TDRD9: variants seen among roughly 807,000 people sequenced by gnomAD.
The protein encoded by TDRD9 is ATP-dependent RNA helicase TDRD9.
In TDRD9, 124 loss-of-function variants were observed where a neutral mutation model predicts 172.6. The ratio of observed to expected loss-of-function variants is 0.72; its 90% CI spans 0.62 to 0.83. TDRD9 has a LOEUF of 0.83. TDRD9 is among the 40% of genes least tolerant of loss of function. The pLI, the probability that TDRD9 is intolerant of heterozygous loss-of-function variation, is 0.00. For synonymous variants in TDRD9, 619 were observed against 617.1 expected, an observed-to-expected ratio of 1.00 and a Z score of -0.05; for missense variants, 1,479 against 1,714.1, an observed-to-expected ratio of 0.86 and a Z score of 2.42.
chr14:103,941,378 G>A (rs1213776760), intron 1 of TDRD9: 35 of 1,511,386 alleles, frequency 2.3e-5, no homozygotes, highest in Middle Eastern at 1.7e-4. Context: ...GGAATCATAA[G>A]AGAACATAGT....
intron 28 of TDRD9, among the ~76,000 whole-genome samples, chr14:104,028,343 T>TA (rs140316801): frequency 0.018 from 2,698 of 152,272 alleles, 78 homozygotes; most frequent in African/African-American, 0.062. Context: ...TCAGCATCCT[T>TA]ACCAGCATTT....
chr14:103,940,405 T>A (rs539584704), intron 1 of TDRD9: 1 of 156,720 alleles, frequency 6.4e-6, no homozygotes, highest in African/African-American at 2.4e-5. Context: ...TTCTCATTTC[T>A]GTTATGTTGT....
chr14:103,996,222 A>C (rs544503920), intron 12 of TDRD9, among the ~76,000 whole-genome samples: 1 of 152,172 alleles, frequency 6.6e-6, no homozygotes, highest in Non-Finnish European at 1.5e-5. Flanking sequence ...ATGTGTCTGT[A>C]ATTACTTTGT....
Position 103,987,120 on chromosome 14 carries a change from A to ATG in TDRD9, c.1115+801_1115+802insGT, listed in dbSNP as rs1486088476. 9.3e-4 allele frequency among the ~76,000 whole-genome samples: 122 copies of ATG among 131,248 alleles called. 1 individual carries two copies. Among genetic ancestry groups the ATG allele is most frequent in the Middle Eastern group, 4.0e-3 (1 of 250 alleles). The allele number at this position is 131,248 out of a possible 152,430, so 86.1% of individuals were successfully genotyped here. On this transcript the variant is annotated intron_variant, in intron 8 of 35. Transcript: ENST00000409874. ...AGAGCAAGACTCCATCTCAAAAAAT[A>ATG]TATACACACACACACACACACACAC...
intron 8 of TDRD9, among the ~76,000 whole-genome samples, chr14:103,990,283 G>T (rs1422826438): frequency 6.6e-6 from 1 of 152,262 alleles, no homozygotes; most frequent in East Asian, 1.9e-4. Flanking sequence ...CTCATAGGGA[G>T]AGATGGAGGA....
chr14:103,935,195 A>G (rs945276427), intron 1 of TDRD9, among the ~76,000 whole-genome samples: 8 of 152,150 alleles, frequency 5.3e-5, no homozygotes, highest in African/African-American at 1.2e-4. Flanking sequence ...TTCTTTCTCC[A>G]CATCTTGTTG....
intron 13 of TDRD9, among the ~76,000 whole-genome samples, chr14:103,999,643 A>ACATTTAATCTGTTAATCTTCCT (rs1566771643): frequency 7.7e-6 from 1 of 130,468 alleles, no homozygotes; most frequent in Non-Finnish European, 1.7e-5. Flanking sequence ...TGTTTTTTAG[A>ACATTTAATCTGTTAATCTTCCT]AAACCTTTTG....
chr14:103,956,596 A>G (rs1294301971), intron 2 of TDRD9, among the ~76,000 whole-genome samples: 1 of 152,156 alleles, frequency 6.6e-6, no homozygotes, highest in Non-Finnish European at 1.5e-5. Flanking sequence ...AGCTGAGATC[A>G]TCCTAAATAG....
chr14:103,990,412 A>C (rs756313399), intron 8 of TDRD9, among the ~76,000 whole-genome samples: 5 of 152,188 alleles, frequency 3.3e-5, no homozygotes, highest in Non-Finnish European at 7.4e-5. Flanking sequence ...TTGCCACTGC[A>C]TGGCTTTTCC....
intron 34 of TDRD9, among the ~76,000 whole-genome samples, chr14:104,043,675 A>C (rs1026709275): frequency 6.6e-6 from 1 of 152,174 alleles, no homozygotes; most frequent in Non-Finnish European, 1.5e-5. Context: ...CCTGCCCCCA[A>C]AACAAGGGTA....
At chr14:104,002,784 T>C (rs190437073) in intron 13 of TDRD9, among the ~76,000 whole-genome samples, 1 of 151,770 alleles carries the variant, frequency 6.6e-6, no homozygotes, top group East Asian at 1.9e-4. Context: ...CAGGCTGGAG[T>C]GCAGTGGCGT....
intron 20 of TDRD9, among the ~76,000 whole-genome samples, chr14:104,012,039 G>T (rs776088856): frequency 6.6e-6 from 1 of 152,186 alleles, no homozygotes; most frequent in East Asian, 1.9e-4. Flanking sequence ...TGACAGGCAT[G>T]AAGTATTGCA....
At chr14:103,978,711 C>T (rs971041565) in intron 7 of TDRD9, among the ~76,000 whole-genome samples, 1 of 152,042 alleles carries the variant, frequency 6.6e-6, no homozygotes, top group African/African-American at 2.4e-5. Context: ...GCTGAGGTGC[C>T]ATTTTTGTCA....
In TDRD9 at chr14:103,962,988, G is replaced by A. The variant is rs1010405309; in HGVS notation, c.323-91G>A. On this transcript the variant is annotated intron_variant, in intron 2 of 35. Coordinates refer to ENST00000409874, the MANE Select transcript of TDRD9 (RefSeq NM_153046.3). ...TGAGTGTGTGTGTGTGTGTGTGTGT[G>A]TGTGTATGCTGTATCTATAGATTAG... The A allele has an allele frequency of 4.5e-6, 3 of 673,644 alleles. No individual in the cohort carries two copies. In the South Asian group the frequency reaches 5.9e-5, roughly 13 times the overall value. 41.7% of individuals were successfully genotyped at this position (673,644 alleles called of 1,614,324 possible).
chr14:104,019,707 G>A lies in TDRD9; in HGVS notation c.2432+1515G>A, dbSNP rs185857360. On this transcript the variant is annotated intron_variant, in intron 23 of 35. Transcript: ENST00000409874. Reference sequence around the variant, plus strand: ...GTAGACTCTGTGAGGTGCCAAGGGCGCATGGGCAGATGGGCACAGGTGGTA... The same window carrying A: ...GTAGACTCTGTGAGGTGCCAAGGGCACATGGGCAGATGGGCACAGGTGGTA... Among the ~76,000 whole-genome samples, 263 of 152,308 alleles carry A rather than the reference G, an allele frequency of 1.7e-3. 1 individual carries two copies. Among genetic ancestry groups the A allele is most frequent in the Middle Eastern group, 3.4e-3 (1 of 294 alleles).
chr14:104,008,817 G>A (rs1204900677), intron 20 of TDRD9, among the ~76,000 whole-genome samples: 2 of 152,234 alleles, frequency 1.3e-5, no homozygotes, highest in African/African-American at 4.8e-5. Context: ...GGAAAGCTGA[G>A]GTGAGAGGTT....
At chr14:103,973,457 T>C (rs2152162446) in intron 6 of TDRD9, among the ~76,000 whole-genome samples, 1 of 152,302 alleles carries the variant, frequency 6.6e-6, no homozygotes, top group Non-Finnish European at 1.5e-5. Context: ...GCCACTGACC[T>C]TGTTGTCACC....
chr14:103,979,037 A>G (rs994205486), intron 7 of TDRD9, among the ~76,000 whole-genome samples: 4 of 151,860 alleles, frequency 2.6e-5, no homozygotes, highest in South Asian at 2.1e-4. Flanking sequence ...AAATCTCCCT[A>G]TTGCCTCCTC....
intron 35 of TDRD9, among the ~76,000 whole-genome samples, chr14:104,050,143 C>A (rs780799030): frequency 6.6e-6 from 1 of 152,110 alleles, no homozygotes; most frequent in Non-Finnish European, 1.5e-5. Context: ...GCTGGAAGTC[C>A]TAGGGAAGGT....
Sources: gnomAD v4.1 joint callset for allele counts (sites outside exome capture counted in the v4.1 genomes callset) on GRCh38, gnomAD v4.1.1 for gene constraint, MANE v1.5 for transcripts, NCBI Gene and HGNC (gene_info 2026-07-23, HGNC 2026-07-21) for gene names.